MAN1B1: variants seen among roughly 807,000 people sequenced by gnomAD.
MAN1B1 encodes the protein mannosidase alpha class 1B member 1.
Under a neutral mutation model 75.5 loss-of-function variants are expected in MAN1B1, and 66 were observed. The observed-to-expected ratio is 0.87, with a 90% CI of 0.72 to 1.07. The LOEUF (loss-of-function observed/expected upper bound fraction) is 1.07. Ranked by LOEUF, MAN1B1 falls within the 50% of genes least tolerant of loss-of-function variation. MAN1B1 has a pLI of 0.00. For missense variants in MAN1B1, 973 were observed against 912.5 expected (o/e 1.07, Z -0.85); for synonymous variants, 453 against 382.8 (o/e 1.18, Z -2.14).
intron 3 of MAN1B1, among the ~76,000 whole-genome samples, chr9:137,090,529 GT>G (rs558756853): frequency 1.2e-3 from 187 of 152,032 alleles, no homozygotes; most frequent in African/African-American, 4.5e-3. Flanking sequence ...TCAGACTGCC[GT>G]GGGGGTGTTT....
intron 8 of MAN1B1, 110 bp from the exon 9 acceptor site, chr9:137,106,015 G>C: frequency 2.4e-6 from 2 of 848,198 alleles, no homozygotes; most frequent in Non-Finnish European, 3.9e-6. Context: ...TCTCTGCTGG[G>C]AGTCAGTCGG....
intron 3 of MAN1B1, among the ~76,000 whole-genome samples, chr9:137,090,320 A>G (rs2130990426): frequency 6.6e-6 from 1 of 152,262 alleles, no homozygotes; most frequent in Non-Finnish European, 1.5e-5. Context: ...ACCTGTGGCC[A>G]GAGTCCTCAG....
At chr9:137,094,409 G>A (rs1024473622) in intron 3 of MAN1B1, 1 of 504,176 alleles carries the variant, frequency 2.0e-6, no homozygotes, top group African/African-American at 1.9e-5. Context: ...GCAGGGAGAT[G>A]AAGAGGACAG....
chr9:137,101,223 T>C (rs1195645088), intron 7 of MAN1B1, 70 bp downstream of exon 7: 1 of 1,577,724 alleles, frequency 6.3e-7, no homozygotes, highest in East Asian at 2.2e-5. Flanking sequence ...TTTAGTGGAC[T>C]TGTGGGGACG....
chr9:137,101,203 C>A, intron 7 of MAN1B1, 50 bp downstream of exon 7: 1 of 1,606,736 alleles, frequency 6.2e-7, no homozygotes, highest in South Asian at 1.1e-5. Context: ...CGCATTCAAG[C>A]AGTTACCCCT....
chr9:137,088,376 T>C (rs1564273526), intron 2 of MAN1B1, 193 bp downstream of exon 2: 1 of 1,586,848 alleles, frequency 6.3e-7, no homozygotes, highest in Non-Finnish European at 8.5e-7. Flanking sequence ...TGATGCTGTC[T>C]GACTACTTTC....
Position 137,101,605 on chromosome 9 carries a change from C to T in MAN1B1, c.1187C>T (p.Ala396Val), listed in dbSNP as rs1830813415. 6.2e-7 allele frequency: 1 copy of T among 1,613,696 alleles called. No homozygotes were observed. The highest frequency in any genetic ancestry group is 1.3e-5 in the African/African-American group (1 of 74,934). ...PPRWTSDSTV[A>V]EVTSIQLEFR... ...CGGTGGACCTCCGACAGCACTGTGG[C>T]CGAGGTGACCAGCATTCAGCTGGAG... The change falls in exon 8 of 13, where the codon GCC (alanine) becomes GTC (valine). Residue 396 changes from alanine to valine, a missense_variant. Ala to Val is a moderately conservative substitution (Grantham distance 64). Transcript: ENST00000371589.
Position 137,108,689 on chromosome 9 carries a change from A to G in MAN1B1, c.*98A>G, listed in dbSNP as rs765227716. Reference sequence around the variant, plus strand: ...GCCCACGTAGCACCGGCAACCGCCAAGTGGCCCAGGCTCTGAACTGGCTCT... The same window carrying G: ...GCCCACGTAGCACCGGCAACCGCCAGGTGGCCCAGGCTCTGAACTGGCTCT... On this transcript the variant is annotated 3_prime_UTR_variant, in exon 13 of 13. Transcript: ENST00000371589. 63 of 1,153,172 alleles carry G rather than the reference A, an allele frequency of 5.5e-5. No homozygotes were observed. In the Middle Eastern group the frequency reaches 3.6e-3, roughly 66 times the overall value. The allele number at this position is 1,153,172 out of a possible 1,614,324, so 71.4% of individuals were successfully genotyped here. A position where few individuals can be genotyped will look rare whatever the true frequency, so the allele number is the denominator to read the frequency against.
At chr9:137,087,614 G>A (rs770796639) in intron 1 of MAN1B1, 4 of 442,014 alleles carry the variant, frequency 9.0e-6, no homozygotes, top group East Asian at 1.1e-4. Context: ...GTCTGTTCGT[G>A]GTGGTCTCAG....
At chr9:137,101,828 G>A in intron 8 of MAN1B1, 156 bp downstream of exon 8, 3 of 946,970 alleles carry the variant, frequency 3.2e-6, no homozygotes, top group Non-Finnish European at 4.9e-6. Flanking sequence ...CCATTTCCAG[G>A]CGTGGTCGGT....
At position 137,097,931 on chromosome 9, in the gene MAN1B1, A is replaced by G. The variant is rs1830699618; in HGVS notation, c.724A>G (p.Thr242Ala). Residue 242 changes from threonine (T) to alanine (A), a missense_variant, in exon 5 of 13, where the codon ACA becomes GCA. Coordinates refer to ENST00000371589, the MANE Select transcript of MAN1B1 (RefSeq NM_016219.5). Reference sequence around the variant, plus strand: ...CCTGCCACCGGCCAGGACACAGGGCACACCAGGTGAGGCCACACCTGCACC... The same window carrying G: ...CCTGCCACCGGCCAGGACACAGGGCGCACCAGGTGAGGCCACACCTGCACC... ...PPLPPARTQG[T>A]PVHLNYRQKG... The G allele has an allele frequency of 6.4e-7, 1 of 1,554,570 alleles. No individual in the cohort carries two copies. Among genetic ancestry groups the G allele is most frequent in the South Asian group, 1.2e-5 (1 of 84,286 alleles).
intron 6 of MAN1B1, 126 bp downstream of exon 6, chr9:137,100,007 GGGTGCGGGAGTGGA>G: frequency 8.8e-7 from 1 of 1,132,622 alleles, no homozygotes. Flanking sequence ...CCCTTCTCCT[GGGTGCGGGAGTGGA>G]CGTGTTGGCT....
rs1003725277 is a variant in MAN1B1, at chr9:137,109,059, G to A, written c.*468G>A. 9.0e-5 allele frequency: 41 copies of A among 456,756 alleles called. No homozygotes were observed. Among genetic ancestry groups the A allele is most frequent in the African/African-American group, 6.8e-4 (34 of 50,080 alleles). 28.3% of individuals were successfully genotyped at this position (456,756 alleles called of 1,614,324 possible). On this transcript the variant is annotated 3_prime_UTR_variant, in exon 13 of 13. Transcript: ENST00000371589. ...GGCTGGCTCTGGTGTTTACAAGCTGGACTCAGGGATCCTCCTGGCCGCCCC... is the reference window on the plus strand; with the variant it reads ...GGCTGGCTCTGGTGTTTACAAGCTGAACTCAGGGATCCTCCTGGCCGCCCC...
intron 8 of MAN1B1, chr9:137,102,513 CAT>C (rs1830883620): frequency 7.3e-6 from 3 of 408,892 alleles, no homozygotes; most frequent in South Asian, 1.7e-5. Flanking sequence ...GTGTTACACA[CAT>C]TCACGCTGTT....
In MAN1B1 at chr9:137,102,545, GTGT is replaced by G. The variant is rs1475848765; in HGVS notation, c.1254+875_1254+877del. ...GCTGTTGCAGGCGTGCAGGTCGGTG[GTGT>G]TACACACATTCACGCTGTTGCAGAT... On this transcript the variant is annotated intron_variant, in intron 8 of 12. Transcript: ENST00000371589. The G allele has an allele frequency of 8.2e-5, 34 of 416,502 alleles. No individual in the cohort carries two copies. In the East Asian group the frequency reaches 1.8e-3, roughly 22 times the overall value. The allele number at this position is 416,502 out of a possible 1,614,324, so 25.8% of individuals were successfully genotyped here.
chr9:137,088,899 A>G lies in MAN1B1; in HGVS notation c.359A>G (p.Lys120Arg), dbSNP rs1373270719. 1 of 1,613,898 alleles carries G rather than the reference A, an allele frequency of 6.2e-7. No homozygotes were observed. Among genetic ancestry groups the G allele is most frequent in the Non-Finnish European group, 8.5e-7 (1 of 1,180,056 alleles). Residue 120 changes from lysine to arginine, a missense_variant, in exon 3 of 13, where the codon AAG (lysine) becomes AGG (arginine). Lys to Arg is a conservative substitution (Grantham distance 26). Transcript: ENST00000371589. ...ALAFRLEEEQ[K>R]MRPEIAGLKP... is the part of the protein sequence containing the mutation. ...GCTTTCAGGCTAGAGGAAGAGCAGA[A>G]GATGAGGCCAGAAATTGCTGGGTTA...
intron 1 of MAN1B1, 54 bp from the exon 2 acceptor site, chr9:137,088,021 G>T: frequency 7.6e-7 from 1 of 1,311,580 alleles, no homozygotes; most frequent in South Asian, 1.2e-5. Context: ...TGACAGTTGA[G>T]ACGTTCCGTG....
chr9:137,089,768 G>T (rs547841976), intron 3 of MAN1B1, among the ~76,000 whole-genome samples: 7 of 152,128 alleles, frequency 4.6e-5, no homozygotes, highest in Admixed American at 1.3e-4. Flanking sequence ...GGAGTGCTCC[G>T]CAGGAGTGGG....
intron 3 of MAN1B1, among the ~76,000 whole-genome samples, chr9:137,093,688 G>C (rs1830575110): frequency 6.6e-6 from 1 of 152,018 alleles, no homozygotes; most frequent in African/African-American, 2.4e-5. Flanking sequence ...AACAAAATTA[G>C]CCGGGCGTGG....
Sources: gnomAD v4.1 joint callset for allele counts (sites outside exome capture counted in the v4.1 genomes callset) on GRCh38, gnomAD v4.1.1 for gene constraint, MANE v1.5 for transcripts, NCBI Gene and HGNC (gene_info 2026-07-23, HGNC 2026-07-21) for gene names.